TEX10: variants seen among roughly 807,000 people sequenced by gnomAD.
TEX10 encodes the protein testis expressed 10.
TEX10 carries 24 observed loss-of-function variants against 104.4 expected under a neutral mutation model. That is an observed-to-expected ratio of 0.23 (90% CI 0.17 to 0.32). TEX10 has a LOEUF of 0.32. Ranked by LOEUF, TEX10 falls within the 10% of genes least tolerant of loss-of-function variation. TEX10 has a pLI of 1.00. For synonymous variants in TEX10, 396 were observed against 393.4 expected, an observed-to-expected ratio of 1.01 and a Z score of -0.08; for missense variants, 921 against 1,083.9, an observed-to-expected ratio of 0.85 and a Z score of 2.11.
At chr9:100,349,127 C>T in intron 2 of TEX10, 57 bp downstream of exon 2, 3 of 1,394,316 alleles carry the variant, frequency 2.2e-6, no homozygotes, top group Non-Finnish European at 1.9e-6. Flanking sequence ...AAAAATATAA[C>T]ATTCTACACG....
chr9:100,343,137 C>CA (rs1437074754), intron 4 of TEX10, among the ~76,000 whole-genome samples: 47 of 129,442 alleles, frequency 3.6e-4, no homozygotes, highest in East Asian at 1.0e-3. Flanking sequence ...ACTCCGTCTC[C>CA]AAAAAAAAAT....
At chr9:100,315,603 C>T (rs1389430732) in intron 11 of TEX10, among the ~76,000 whole-genome samples, 2 of 152,172 alleles carry the variant, frequency 1.3e-5, no homozygotes, top group East Asian at 3.8e-4. Context: ...CTCCTGCTCA[C>T]TTGTGGTTTG....
intron 5 of TEX10, among the ~76,000 whole-genome samples, chr9:100,332,682 G>A (rs1834897445): frequency 6.6e-6 from 1 of 152,024 alleles, no homozygotes; most frequent in Admixed American, 6.5e-5. Flanking sequence ...TTAGCCGGGC[G>A]CGGTGGCAGG....
intron 2 of TEX10, 91 bp from the exon 3 acceptor site, chr9:100,347,497 G>C (rs930530841): frequency 2.0e-6 from 2 of 976,932 alleles, no homozygotes; most frequent in Non-Finnish European, 2.9e-6. Flanking sequence ...CTAGTAAACT[G>C]ACACTCCTTG....
chr9:100,329,887 G>C (rs778144304), intron 6 of TEX10, 44 bp downstream of exon 6: 2 of 1,449,574 alleles, frequency 1.4e-6, no homozygotes, highest in Non-Finnish European at 1.9e-6. Context: ...GATAGCACAT[G>C]TAAGAGCTCC....
chr9:100,344,268 C>T (rs1835246652), intron 4 of TEX10, among the ~76,000 whole-genome samples: 1 of 152,130 alleles, frequency 6.6e-6, no homozygotes, highest in South Asian at 2.1e-4. Flanking sequence ...TGTTAATGAG[C>T]TGCTAATAAG....
At chr9:100,332,043 G>A (rs1392936911) in intron 5 of TEX10, among the ~76,000 whole-genome samples, 1 of 152,194 alleles carries the variant, frequency 6.6e-6, no homozygotes, top group Non-Finnish European at 1.5e-5. Context: ...TTCTACGTTG[G>A]ATATGTTGAG....
At chr9:100,351,495 G>A (rs955330133) in intron 1 of TEX10, among the ~76,000 whole-genome samples, 5 of 152,004 alleles carry the variant, frequency 3.3e-5, no homozygotes, top group Admixed American at 6.6e-5. Flanking sequence ...CATTAATTAA[G>A]CAAGCACACT....
chr9:100,310,465 G>A, intron 11 of TEX10, 86 bp from the exon 12 acceptor site: 19 of 1,251,274 alleles, frequency 1.5e-5, no homozygotes, highest in Non-Finnish European at 2.2e-5. Flanking sequence ...TTGAGACAGA[G>A]TTTCACTCTG....
chr9:100,305,626 GAC>G (rs924120967), intron 13 of TEX10: 1 of 151,334 alleles, frequency 6.6e-6, no homozygotes, highest in African/African-American at 2.4e-5. Context: ...AAAAAAAAAA[GAC>G]AGCCAAGCTC....
chr9:100,319,303 G>C (rs1379378655), intron 11 of TEX10, among the ~76,000 whole-genome samples: 2 of 152,040 alleles, frequency 1.3e-5, no homozygotes, highest in African/African-American at 4.8e-5. Flanking sequence ...TCATTAAGTA[G>C]TACTAAAACA....
intron 1 of TEX10, among the ~76,000 whole-genome samples, chr9:100,350,463 G>T (rs1418782820): frequency 6.6e-6 from 1 of 152,072 alleles, no homozygotes; most frequent in Non-Finnish European, 1.5e-5. Flanking sequence ...ATCCTCTCCA[G>T]CTTTATCTTC....
intron 5 of TEX10, among the ~76,000 whole-genome samples, chr9:100,334,276 G>A (rs1834948807): frequency 6.6e-6 from 1 of 151,728 alleles, no homozygotes. Context: ...AAAAAACACA[G>A]ATAACTCTTA....
chr9:100,352,524 C>T, intron 1 of TEX10: 1 of 1,550,156 alleles, frequency 6.5e-7, no homozygotes, highest in East Asian at 2.4e-5. Context: ...AAAACTCTCT[C>T]GGACCCGAAA....
At chr9:100,345,276 T>A (rs1835273980) in intron 4 of TEX10, among the ~76,000 whole-genome samples, 2 of 152,234 alleles carry the variant, frequency 1.3e-5, no homozygotes, top group African/African-American at 4.8e-5. Flanking sequence ...ACTACAACTC[T>A]ATAATGCTTT....
chr9:100,346,179 C>G lies in TEX10; in HGVS notation c.1030G>C (p.Val344Leu), dbSNP rs747121759. 7 of 1,614,018 alleles carry G rather than the reference C, an allele frequency of 4.3e-6. No individual in the cohort carries two copies. In the South Asian group the frequency reaches 7.7e-5, roughly 18 times the overall value. The change falls in exon 4 of 15, where the codon GTT (valine) becomes CTT (leucine). Residue 344 changes from valine (V) to leucine (L), a missense_variant. Transcript: ENST00000374902. ...EAVPPQLATP[V>L]GNGIEREPLQ... ...GGTTCTCGTTCTATACCATTCCCAA[C>G]AGGAGTAGCTAGTTGTGGAGGTACA...
intron 1 of TEX10, 163 bp downstream of exon 1, chr9:100,352,608 AC>A: frequency 1.3e-6 from 2 of 1,489,768 alleles, no homozygotes; most frequent in Non-Finnish European, 1.8e-6. Flanking sequence ...TGCCGGCCGC[AC>A]ACCCAGGCCC....
chr9:100,325,577 T>C (rs6479011), intron 9 of TEX10, among the ~76,000 whole-genome samples: 96,005 of 152,004 alleles, frequency 0.63, 32,256 homozygotes, highest in East Asian at 0.89. Context: ...GTCGCCCAGA[T>C]TGGAGTGCAG....
At chr9:100,317,304 G>A (rs1054985286) in intron 11 of TEX10, among the ~76,000 whole-genome samples, 10 of 152,114 alleles carry the variant, frequency 6.6e-5, no homozygotes, top group Admixed American at 2.6e-4. Flanking sequence ...CAGATGCATG[G>A]ATCAAGGGAA....
Sources: allele counts gnomAD v4.1 joint callset (sites outside exome capture counted in the v4.1 genomes callset), GRCh38; gene constraint gnomAD v4.1.1; transcripts MANE v1.5; gene names NCBI Gene and HGNC (gene_info 2026-07-23, HGNC 2026-07-21).